Variants in TNS4 observed in about 807,000 individuals in gnomAD.
The protein encoded by TNS4 is tensin-4.
A neutral mutation model predicts 70.4 loss-of-function variants in TNS4; 46 were observed. That is an observed-to-expected ratio of 0.65 (90% CI 0.52 to 0.84). TNS4 has a LOEUF of 0.84. TNS4 is among the 40% of genes least tolerant of loss of function. The pLI is 0.00. For synonymous variants in TNS4, 390 were observed against 366.6 expected, an observed-to-expected ratio of 1.06 and a Z score of -0.73; for missense variants, 863 against 907.0, an observed-to-expected ratio of 0.95 and a Z score of 0.62.
chr17:40,479,667 C>T lies in TNS4; in HGVS notation c.1910+7G>A, dbSNP rs941044153. The T allele has an allele frequency of 1.2e-6, 2 of 1,611,718 alleles. No individual in the cohort carries two copies. The highest frequency in any genetic ancestry group is 1.7e-5 in the Admixed American group (1 of 59,892). On this transcript the variant is annotated splice_region_variant and intron_variant, in intron 10 of 12. Coordinates refer to ENST00000254051, the MANE Select transcript of TNS4 (RefSeq NM_032865.6). ...CCCGGAGCCCCAGGGCAAGGGAAGG[C>T]CCTTACTTCCTCTGGACATCAGTCA...
Position 40,484,923 on chromosome 17 carries a change from T to C in TNS4, c.1373A>G (p.Gln458Arg). ...GGGTCACTCGTGCTTCCTTTTACCT[T>C]GCTCTCGGGTGATGTTTGGCTTAAA... ...YWFKPNITRE[Q>R]AIELLRKEEP... The change falls in exon 5 of 13, where the codon CAA (glutamine) becomes CGA (arginine). Residue 458 changes from glutamine (Q) to arginine (R), a missense_variant and splice_region_variant. Transcript: ENST00000254051. 1.9e-6 allele frequency: 3 copies of C among 1,614,204 alleles called. No homozygotes were observed. In the South Asian group the frequency reaches 3.3e-5, roughly 18 times the overall value.
chr17:40,487,055 G>A lies in TNS4; in HGVS notation c.1269C>T (p.Pro423=). 3.1e-6 allele frequency: 5 copies of A among 1,614,144 alleles called. No homozygotes were observed. Among genetic ancestry groups the A allele is most frequent in the East Asian group, 4.5e-5 (2 of 44,888 alleles). ...RSNSQTLSDA[P]FTTCPEGPAR... is the part of the protein sequence containing the mutation. ...ACGTACCCTCTGGGCATGTGGTAAA[G>A]GGGGCATCTGACAGGGTCTGGCTGT... The change falls in exon 4 of 13, where the codon CCC becomes CCT. Residue 423 remains proline, a synonymous_variant. Coordinates refer to ENST00000254051, the MANE Select transcript of TNS4 (RefSeq NM_032865.6).
chr17:40,484,812 G>A lies in TNS4; in HGVS notation c.1375+109C>T, dbSNP rs550023707. 113 of 1,410,056 alleles carry A rather than the reference G, an allele frequency of 8.0e-5. No homozygotes were observed. The African/African-American group carries it at 1.3e-3, about 16-fold the overall frequency. 87.3% of individuals were successfully genotyped at this position (1,410,056 alleles called of 1,614,324 possible). ...GGTCAGCAGGACATCCCCCTCCCCCGCTTCCCAGGACCCACTATTTGCCAT... is the reference window on the plus strand; with the variant it reads ...GGTCAGCAGGACATCCCCCTCCCCCACTTCCCAGGACCCACTATTTGCCAT... On this transcript the variant is annotated intron_variant, in intron 5 of 12. Coordinates refer to ENST00000254051, the MANE Select transcript of TNS4 (RefSeq NM_032865.6).
At chr17:40,480,484 A>C (rs913524987) in intron 9 of TNS4, among the ~76,000 whole-genome samples, 3 of 150,698 alleles carry the variant, frequency 2.0e-5, no homozygotes, top group African/African-American at 7.3e-5. Flanking sequence ...CCCACCCCCC[A>C]CCCTGCCCCA....
chr17:40,477,763 G>C (rs976184482), intron 12 of TNS4, 34 bp from the exon 13 acceptor site: 2 of 1,566,714 alleles, frequency 1.3e-6, no homozygotes, highest in Admixed American at 3.4e-5. Context: ...TGAGGGGTGG[G>C]ACCCAGGGAG....
intron 2 of TNS4, among the ~76,000 whole-genome samples, chr17:40,495,235 C>G (rs1037169764): frequency 6.6e-6 from 1 of 152,210 alleles, no homozygotes; most frequent in Non-Finnish European, 1.5e-5. Context: ...TCCCCACCCT[C>G]CATACTATTA....
chr17:40,484,454 C>G (rs2035964808), intron 6 of TNS4, 30 bp downstream of exon 6: 1 of 1,605,172 alleles, frequency 6.2e-7, no homozygotes, highest in Non-Finnish European at 8.5e-7. Context: ...CTCAGTGAGG[C>G]CTTGAGTGAG....
chr17:40,486,556 G>A lies in TNS4; in HGVS notation c.1288+480C>T, dbSNP rs1438393410. Among the ~76,000 whole-genome samples the A allele has an allele frequency of 2.7e-5, 4 of 149,322 alleles. No individual in the cohort carries two copies. In the East Asian group the frequency reaches 7.8e-4, roughly 29 times the overall value. On this transcript the variant is annotated intron_variant, in intron 4 of 12. Transcript: ENST00000254051. ...CATTTTTTTTTTTTTTTTTAGCTTG[G>A]CATTTAAGGCCTTTCACAATCTGGT...
At position 40,488,773 on chromosome 17, in the gene TNS4, C is replaced by G. The variant is rs1253772102; in HGVS notation, c.636G>C (p.Gln212His). The G allele has an allele frequency of 6.2e-7, 1 of 1,610,142 alleles. No homozygotes were observed. The highest frequency in any genetic ancestry group is 1.7e-5 in the Admixed American group (1 of 58,898). The change falls in exon 3 of 13, where the codon CAG (glutamine) becomes CAC (histidine). Residue 212 changes from glutamine to histidine, a missense_variant. Gln to His is a conservative substitution (Grantham distance 24). Transcript: ENST00000254051. ...IFSGNQGRGH[Q>H]RPLPPSEGLS... ...GACCCTCTGAGGGGGGCAGAGGGCG[C>G]TGGTGCCCCCTGCCCTGGTTCCCAG...
At chr17:40,488,276 G>T (rs528589023) in intron 3 of TNS4, among the ~76,000 whole-genome samples, 1 of 152,278 alleles carries the variant, frequency 6.6e-6, no homozygotes, top group African/African-American at 2.4e-5. Context: ...TTGTATGAGG[G>T]CTGGAAAGGA....
At position 40,479,983 on chromosome 17, in the gene TNS4, G is replaced by T. The variant is rs1466142; in HGVS notation, c.1742-141C>A. On this transcript the variant is annotated intron_variant, in intron 9 of 12. Transcript: ENST00000254051. ...AGAGCCGCCACCCAACAGAAAGTGG[G>T]TGTGTGGGTGATCACAGTTTGAGGC... 6 of 1,085,290 alleles carry T rather than the reference G, an allele frequency of 5.5e-6. No homozygotes were observed. In the South Asian group the frequency reaches 8.3e-5, roughly 15 times the overall value. 67.2% of individuals were successfully genotyped at this position (1,085,290 alleles called of 1,614,324 possible).
intron 4 of TNS4, 61 bp downstream of exon 4, chr17:40,486,975 C>T: frequency 6.3e-7 from 1 of 1,582,144 alleles, no homozygotes; most frequent in Non-Finnish European, 8.6e-7. Context: ...TGCAGAAACC[C>T]ACTGGCACTT....
intron 9 of TNS4, 96 bp downstream of exon 9, chr17:40,480,604 G>T: frequency 1.7e-6 from 2 of 1,195,342 alleles, no homozygotes; most frequent in Non-Finnish European, 2.2e-6. Context: ...GTGTGTGCCT[G>T]TGCGTGTGTG....
In TNS4 at chr17:40,476,558, A is replaced by G. The variant is rs573492927; in HGVS notation, c.*1030T>C. ...GCAGCTACGATACCAGCTTTGGAAT[A>G]CTCGCCTATCAAGGAATGGAAAGAA... On this transcript the variant is annotated 3_prime_UTR_variant, in exon 13 of 13. Transcript: ENST00000254051. 6.6e-6 allele frequency: 1 copy of G among 151,692 alleles called. No individual in the cohort carries two copies. The highest frequency in any genetic ancestry group is 2.0e-4 in the East Asian group (1 of 5,126). The allele number at this position is 151,692 out of a possible 1,614,324, so 9.4% of individuals were successfully genotyped here. A position where few individuals can be genotyped will look rare whatever the true frequency, so the allele number is the denominator to read the frequency against.
At position 40,479,758 on chromosome 17, in the gene TNS4, A is replaced by G. The variant is rs1293708899; in HGVS notation, c.1826T>C (p.Phe609Ser). Reference protein sequence around the residue: ...LAVQKAISTTFERDILPTPTV... With the variant: ...LAVQKAISTTSERDILPTPTV... ...GGGCGTGGGGAGGATGTCCCTCTCAAAGGTGGTGGAGATGGCTTTCTGCAC... is the reference window on the plus strand; with the variant it reads ...GGGCGTGGGGAGGATGTCCCTCTCAGAGGTGGTGGAGATGGCTTTCTGCAC... Residue 609 changes from phenylalanine to serine, a missense_variant, in exon 10 of 13, where the codon TTT becomes TCT. Physicochemically the swap from Phe to Ser is radical, Grantham distance 155. Coordinates refer to ENST00000254051, the MANE Select transcript of TNS4 (RefSeq NM_032865.6). 2 of 1,614,028 alleles carry G rather than the reference A, an allele frequency of 1.2e-6. No individual in the cohort carries two copies. Among genetic ancestry groups the G allele is most frequent in the Admixed American group, 1.7e-5 (1 of 60,014 alleles).
intron 9 of TNS4, 77 bp downstream of exon 9, chr17:40,480,603 TGTGCGTGTGTGCGTGCATGC>T (rs1751565907): frequency 6.8e-6 from 8 of 1,181,408 alleles, no homozygotes; most frequent in Non-Finnish European, 6.8e-6. Flanking sequence ...CGTGTGTGCC[TGTGCGTGTGTGCGTGCATGC>T]GTGCGTGTGT....
intron 1 of TNS4, among the ~76,000 whole-genome samples, chr17:40,500,725 A>G (rs1005645970): frequency 6.6e-6 from 1 of 152,058 alleles, no homozygotes; most frequent in African/African-American, 2.4e-5. Flanking sequence ...GTCTCCCCCA[A>G]AGCACTTTGC....
Position 40,495,971 on chromosome 17 carries a change from T to G in TNS4, c.439+16A>C, listed in dbSNP as rs1191034361. The G allele has an allele frequency of 5.6e-6, 9 of 1,594,794 alleles. No homozygotes were observed. The highest frequency in any genetic ancestry group is 1.7e-4 in the Middle Eastern group (1 of 5,962). ...GCACCAAGCCCCCCTCCTGGTACTG[T>G]GCCCCAAATCCTTACCCAAGGCTTC... On this transcript the variant is annotated intron_variant, in intron 2 of 12. Coordinates refer to ENST00000254051, the MANE Select transcript of TNS4 (RefSeq NM_032865.6).
chr17:40,485,666 G>T (rs1274125089), intron 4 of TNS4, among the ~76,000 whole-genome samples: 1 of 152,208 alleles, frequency 6.6e-6, no homozygotes, highest in East Asian at 1.9e-4. Flanking sequence ...TGGGGGTATA[G>T]TTGGTGATAT....
Sources: gnomAD v4.1 joint callset for allele counts (sites outside exome capture counted in the v4.1 genomes callset) on GRCh38, gnomAD v4.1.1 for gene constraint, MANE v1.5 for transcripts, NCBI Gene and HGNC (gene_info 2026-07-23, HGNC 2026-07-21) for gene names.